The following KNCN variants were observed in gnomAD, a reference collection of about 807,000 sequenced individuals.
KNCN encodes kinocilin.
Under a neutral mutation model 10.4 loss-of-function variants are expected in KNCN, and 11 were observed. The observed-to-expected ratio is 1.06, with a 90% CI of 0.67 to 1.75. KNCN has a LOEUF of 1.75. Among genes scored for constraint, KNCN ranks in the 40% most tolerant of loss-of-function variants. The pLI is 0.00. For missense variants in KNCN, 172 were observed against 167.1 expected (o/e 1.03, Z -0.16); for synonymous variants, 67 against 71.6 (o/e 0.94, Z 0.33).
At chr1:46,550,868 G>A (rs1667052216) in intron 1 of KNCN, among the ~76,000 whole-genome samples, 197 bp downstream of exon 1, 1 of 152,140 alleles carries the variant, frequency 6.6e-6, no homozygotes, top group South Asian at 2.1e-4. Flanking sequence ...TCTCCTCCCT[G>A]TGGCTGGAAG....
At position 46,546,098 on chromosome 1, in the gene KNCN, C is replaced by T. The variant is rs1030116704; in HGVS notation, c.*1632G>A. On this transcript the variant is annotated 3_prime_UTR_variant, in exon 4 of 4. Transcript: ENST00000481882. ...TCATGGAGGTCTGTCGCACTGTTGT[C>T]AGAGAACTGATCCCTGCCACTTGTG... 1 of 152,190 alleles carries T rather than the reference C, an allele frequency of 6.6e-6. No homozygotes were observed. Among genetic ancestry groups the T allele is most frequent in the African/African-American group, 2.4e-5 (1 of 41,440 alleles). The allele number at this position is 152,190 out of a possible 1,614,324, so 9.4% of individuals were successfully genotyped here.
chr1:46,550,948 G>A (rs1250400752), intron 1 of KNCN, 117 bp downstream of exon 1: 6 of 1,048,256 alleles, frequency 5.7e-6, no homozygotes, highest in African/African-American at 3.3e-5. Flanking sequence ...TCTAGCTTCC[G>A]TTCTCCCCAG....
rs528140865 is a variant in KNCN at position 46,551,170 on chromosome 1, C to T, written c.46G>A (p.Ala16Thr). The part of the protein sequence containing the change: ...SSRDFRGLQL[A>T]CVALGLVAGS... Reference sequence around the variant, plus strand: ...GCCACCAGCCCGAGAGCCACGCAGGCCAGCTGCAGGCCGCGGAAGTCTCTG... The same window carrying T: ...GCCACCAGCCCGAGAGCCACGCAGGTCAGCTGCAGGCCGCGGAAGTCTCTG... The change falls in exon 1 of 4, where the codon GCC becomes ACC. Residue 16 changes from alanine to threonine, a missense_variant. By Grantham distance (58) the Ala-to-Thr change is moderately conservative. Transcript: ENST00000481882. This position sits in a 1 kb window ranked among gnomAD's most constrained non-coding sequence, Gnocchi z 4.0. The T allele has an allele frequency of 7.0e-5, 112 of 1,610,684 alleles. No individual in the cohort carries two copies. In the South Asian group the frequency reaches 1.1e-3, roughly 16 times the overall value.
At position 46,547,346 on chromosome 1, in the gene KNCN, G is replaced by C. The variant is rs1666963939; in HGVS notation, c.*384C>G. 4.2e-6 allele frequency: 2 copies of C among 481,662 alleles called. No individual in the cohort carries two copies. The highest frequency in any genetic ancestry group is 8.2e-6 in the Non-Finnish European group (2 of 243,448). 29.8% of individuals were successfully genotyped at this position (481,662 alleles called of 1,614,324 possible). A position where few individuals can be genotyped will look rare whatever the true frequency, so the allele number is the denominator to read the frequency against. ...GTGGTTCACTTCTGTAGCCGGGTTA[G>C]AGCAAGGGACTGGGGCATCCTGGTC... is the stretch of plus-strand genomic sequence containing the variant. On this transcript the variant is annotated 3_prime_UTR_variant, in exon 4 of 4. Transcript: ENST00000481882.
intron 1 of KNCN, among the ~76,000 whole-genome samples, 175 bp downstream of exon 1, chr1:46,550,890 C>G (rs905800901): frequency 1.3e-5 from 2 of 152,110 alleles, no homozygotes; most frequent in Admixed American, 6.5e-5. Context: ...AGCCCCAGCG[C>G]GTCGCTCCTC....
Position 46,545,856 on chromosome 1 carries a change from G to A in KNCN, c.*1874C>T, listed in dbSNP as rs994769826. 2 of 152,304 alleles carry A rather than the reference G, an allele frequency of 1.3e-5. No homozygotes were observed. Among genetic ancestry groups the A allele is most frequent in the Non-Finnish European group, 2.9e-5 (2 of 68,108 alleles). The allele number at this position is 152,304 out of a possible 1,614,324, so 9.4% of individuals were successfully genotyped here. A position where few individuals can be genotyped will look rare whatever the true frequency, so the allele number is the denominator to read the frequency against. On this transcript the variant is annotated 3_prime_UTR_variant, in exon 4 of 4. Coordinates refer to ENST00000481882, the MANE Select transcript of KNCN (RefSeq NM_001322255.2). The stretch of plus-strand genomic sequence containing the variant: ...TGGGGCATCTCTGGGGCACTGAGGT[G>A]AGGATCGAAGATGGATAGGAGGAAG...
Position 46,551,463 on chromosome 1 carries a change from C to T in KNCN, c.-248G>A, listed in dbSNP as rs1667065213. Reference sequence around the variant, plus strand: ...AGGTCACCCAGCTTACTCTTCCTCTCTCAAAGCCCTCTGAAGCTGAAGCCC... The same window carrying T: ...AGGTCACCCAGCTTACTCTTCCTCTTTCAAAGCCCTCTGAAGCTGAAGCCC... On this transcript the variant is annotated 5_prime_UTR_variant, in exon 1 of 4. Transcript: ENST00000481882. The surrounding 1 kb of genome is among the most constrained non-coding windows in gnomAD (Gnocchi z 4.0). 2.3e-6 allele frequency: 1 copy of T among 438,314 alleles called. No individual in the cohort carries two copies. The highest frequency in any genetic ancestry group is 4.0e-6 in the Non-Finnish European group (1 of 250,122). 27.2% of individuals were successfully genotyped at this position (438,314 alleles called of 1,614,324 possible). A position where few individuals can be genotyped will look rare whatever the true frequency, so the allele number is the denominator to read the frequency against.
chr1:46,547,829 C>T lies in KNCN; in HGVS notation c.296-20G>A, dbSNP rs1372319271. 2.1e-5 allele frequency: 30 copies of T among 1,442,202 alleles called. 1 individual carries two copies. Among genetic ancestry groups the T allele is most frequent in the Admixed American group, 5.7e-5 (2 of 34,886 alleles). The allele number at this position is 1,442,202 out of a possible 1,614,324, so 89.3% of individuals were successfully genotyped here. A position where few individuals can be genotyped will look rare whatever the true frequency, so the allele number is the denominator to read the frequency against. On this transcript the variant is annotated intron_variant, in intron 3 of 3. Coordinates refer to ENST00000481882, the MANE Select transcript of KNCN (RefSeq NM_001322255.2). ...GGGCTCCTGGGGGAGAGAACAGGGA[C>T]GAGGACTGCCTCCGTAGACAGGTCC...
intron 1 of KNCN, 117 bp from the exon 2 acceptor site, chr1:46,550,119 A>G (rs1442562294): frequency 3.9e-6 from 6 of 1,530,186 alleles, no homozygotes; most frequent in Non-Finnish European, 5.3e-6. Flanking sequence ...TGGGAGGAGC[A>G]CAGTGTGCAG....
At position 46,546,994 on chromosome 1, in the gene KNCN, A is replaced by C. The variant is rs948994696; in HGVS notation, c.*736T>G. The C allele has an allele frequency of 5.1e-6, 1 of 194,604 alleles. No homozygotes were observed. Among genetic ancestry groups the C allele is most frequent in the African/African-American group, 2.3e-5 (1 of 42,792 alleles). The allele number at this position is 194,604 out of a possible 1,614,324, so 12.1% of individuals were successfully genotyped here. On this transcript the variant is annotated 3_prime_UTR_variant, in exon 4 of 4. Transcript: ENST00000481882. ...AATGTGTTTTGCTTGTTCAGGGAGC[A>C]GTGAGAAGATGGGAGGAAGAGAGAA...
rs1369322308 is a variant in KNCN, at chr1:46,549,967, G to A, written c.187C>T (p.Arg63Trp). The change falls in exon 2 of 4, where the codon CGG (arginine) becomes TGG (tryptophan). Residue 63 changes from arginine (R) to tryptophan (W), a missense_variant. Coordinates refer to ENST00000481882, the MANE Select transcript of KNCN (RefSeq NM_001322255.2). ...GGCAGGATGTGGTCCAGGTTGAACC[G>A]AGCCTTCAGGAAGGGGTAGGCCAAG... Reference protein sequence around the residue: ...LILAYPFLKARFNLDHILPTI... With the variant: ...LILAYPFLKAWFNLDHILPTI... 10 of 1,550,534 alleles carry A rather than the reference G, an allele frequency of 6.4e-6. No homozygotes were observed. The highest frequency in any genetic ancestry group is 1.4e-5 in the African/African-American group (1 of 73,018).
In KNCN at chr1:46,547,280, C is replaced by T. The variant is rs966379701; in HGVS notation, c.*450G>A. The T allele has an allele frequency of 9.6e-6, 4 of 417,186 alleles. No individual in the cohort carries two copies. The highest frequency in any genetic ancestry group is 7.0e-5 in the East Asian group (1 of 14,294). 25.8% of individuals were successfully genotyped at this position (417,186 alleles called of 1,614,324 possible). ...GAGCTCTAGAGCCCCTGGGCTAGAC[C>T]GTGGGGGTGGAGGGTCCCTGTCTGT... is the stretch of plus-strand genomic sequence containing the variant. On this transcript the variant is annotated 3_prime_UTR_variant, in exon 4 of 4. Coordinates refer to ENST00000481882, the MANE Select transcript of KNCN (RefSeq NM_001322255.2).
rs1041868740 is a variant in KNCN at position 46,546,487 on chromosome 1, T to G, written c.*1243A>C. 6.6e-6 allele frequency: 1 copy of G among 152,252 alleles called. No individual in the cohort carries two copies. The highest frequency in any genetic ancestry group is 2.4e-5 in the African/African-American group (1 of 41,450). The allele number at this position is 152,252 out of a possible 1,614,324, so 9.4% of individuals were successfully genotyped here. ...GAAGAAGGACGTGATTTCTAGCTTG[T>G]CTTCTGCTCACTAAACCAGGCCAGA... On this transcript the variant is annotated 3_prime_UTR_variant, in exon 4 of 4. Transcript: ENST00000481882.
chr1:46,547,670 G>T lies in KNCN; in HGVS notation c.*60C>A. 3 of 1,329,378 alleles carry T rather than the reference G, an allele frequency of 2.3e-6. No homozygotes were observed. The highest frequency in any genetic ancestry group is 3.2e-6 in the Non-Finnish European group (3 of 946,400). The allele number at this position is 1,329,378 out of a possible 1,614,324, so 82.3% of individuals were successfully genotyped here. On this transcript the variant is annotated 3_prime_UTR_variant, in exon 4 of 4. Coordinates refer to ENST00000481882, the MANE Select transcript of KNCN (RefSeq NM_001322255.2). Reference sequence around the variant, plus strand: ...GGGTCTCCTAACCCAGGAGGGCACTGACATAGGGGCAGCAGGCAGGATGGG... The same window carrying T: ...GGGTCTCCTAACCCAGGAGGGCACTTACATAGGGGCAGCAGGCAGGATGGG...
intron 2 of KNCN, 40 bp downstream of exon 2, chr1:46,549,894 C>A: frequency 6.4e-7 from 1 of 1,550,524 alleles, no homozygotes; most frequent in Non-Finnish European, 8.7e-7. Context: ...TGGAACAGTC[C>A]TTGGCAGAGG....
chr1:46,549,368 C>T, intron 2 of KNCN, 101 bp from the exon 3 acceptor site: 1 of 782,582 alleles, frequency 1.3e-6, no homozygotes. Context: ...AGTCTCCATC[C>T]CTGATGCTGT....
rs1355333385 is a variant in KNCN, at chr1:46,546,541, G to A, written c.*1189C>T. The A allele has an allele frequency of 6.6e-6, 1 of 152,270 alleles. No individual in the cohort carries two copies. The highest frequency in any genetic ancestry group is 2.4e-5 in the African/African-American group (1 of 41,474). 9.4% of individuals were successfully genotyped at this position (152,270 alleles called of 1,614,324 possible). ...CGTATGGAGAGGGTATCTCTGTAGA[G>A]GTCAAACAACTCTGCCTGGAGGGTG... On this transcript the variant is annotated 3_prime_UTR_variant, in exon 4 of 4. Transcript: ENST00000481882.
chr1:46,550,912 C>T (rs1019022850), intron 1 of KNCN, among the ~76,000 whole-genome samples, 153 bp downstream of exon 1: 2 of 152,160 alleles, frequency 1.3e-5, no homozygotes, highest in Non-Finnish European at 2.9e-5. Context: ...CCCGCCTGTG[C>T]CCCTGATGGC....
rs1201319543 is a variant in KNCN at position 46,547,470 on chromosome 1, G to C, written c.*260C>G. On this transcript the variant is annotated 3_prime_UTR_variant, in exon 4 of 4. Coordinates refer to ENST00000481882, the MANE Select transcript of KNCN (RefSeq NM_001322255.2). ...AGTCCAGAAAGAAAGGCCAGGGCAG[G>C]AGCCTGAAACATGGGAACCCTGTGG... 4 of 683,124 alleles carry C rather than the reference G, an allele frequency of 5.9e-6. No individual in the cohort carries two copies. The highest frequency in any genetic ancestry group is 1.8e-5 in the African/African-American group (1 of 56,898). 42.3% of individuals were successfully genotyped at this position (683,124 alleles called of 1,614,324 possible).
Sources: allele counts gnomAD v4.1 joint callset (sites outside exome capture counted in the v4.1 genomes callset), GRCh38; gene constraint gnomAD v4.1.1; non-coding constraint Gnocchi (gnomAD v3.1); transcripts MANE v1.5; gene names NCBI Gene and HGNC (gene_info 2026-07-23, HGNC 2026-07-21).